The following SPAG16 variants were observed in gnomAD, a reference collection of about 807,000 sequenced individuals.
The protein encoded by SPAG16 is sperm-associated antigen 16 protein.
SPAG16 carries 86 observed loss-of-function variants against 80.4 expected under a neutral mutation model. The observed-to-expected ratio is 1.07, with a 90% CI of 0.90 to 1.28. The LOEUF (loss-of-function observed/expected upper bound fraction) is 1.28. SPAG16 is among the 50% of genes most tolerant of loss of function. The pLI is 0.00. For synonymous variants in SPAG16, 294 were observed against 265.9 expected, an observed-to-expected ratio of 1.11 and a Z score of -1.03; for missense variants, 870 against 765.3, an observed-to-expected ratio of 1.14 and a Z score of -1.61.
In SPAG16 at chr2:213,667,843, G is replaced by GT. The variant is rs374015533; in HGVS notation, c.1070+177759dup. 6.6e-4 allele frequency among the ~76,000 whole-genome samples: 100 copies of GT among 151,920 alleles called. 1 individual carries two copies. The highest frequency in any genetic ancestry group is 2.3e-3 in the African/African-American group (97 of 41,344). On this transcript the variant is annotated intron_variant, in intron 10 of 15. Transcript: ENST00000331683. Reference sequence around the variant, plus strand: ...TCTATTTTTACAAATGCTTTCTTTAGTTTTTTCCAGAGGGTGGTGAGGTAC... The same window carrying GT: ...TCTATTTTTACAAATGCTTTCTTTAGTTTTTTTCCAGAGGGTGGTGAGGTAC...
chr2:213,965,898 G>GA (rs2044688497), intron 12 of SPAG16, among the ~76,000 whole-genome samples: 2 of 152,282 alleles, frequency 1.3e-5, no homozygotes, highest in South Asian at 4.2e-4. Context: ...GCTGGGTTGG[G>GA]ATGACAGCCT....
intron 15 of SPAG16, among the ~76,000 whole-genome samples, chr2:214,203,745 G>C (rs2058071662): frequency 6.6e-6 from 1 of 152,128 alleles, no homozygotes; most frequent in Non-Finnish European, 1.5e-5. Flanking sequence ...AGAGGAACTG[G>C]AAAAAGACCA....
intron 15 of SPAG16, among the ~76,000 whole-genome samples, chr2:214,214,022 C>T (rs553436961): frequency 3.3e-5 from 5 of 152,104 alleles, no homozygotes; most frequent in Non-Finnish European, 7.4e-5. Context: ...AACTCGGGCT[C>T]TCTTCTCAAA....
At chr2:213,876,051 A>T (rs1207385098) in intron 11 of SPAG16, among the ~76,000 whole-genome samples, 1 of 152,098 alleles carries the variant, frequency 6.6e-6, no homozygotes, top group Non-Finnish European at 1.5e-5. Flanking sequence ...AACTTTGATG[A>T]AGAAAATAAG....
chr2:213,612,561 C>A (rs2061470617), intron 10 of SPAG16, among the ~76,000 whole-genome samples: 1 of 152,162 alleles, frequency 6.6e-6, no homozygotes. Context: ...CTCCATTTTC[C>A]CAGTTAACTT....
At chr2:213,359,927 A>G (rs1478007317) in intron 7 of SPAG16, among the ~76,000 whole-genome samples, 2 of 152,166 alleles carry the variant, frequency 1.3e-5, no homozygotes, top group Non-Finnish European at 2.9e-5. Flanking sequence ...TGAAAATTCT[A>G]AAGAGCTAAT....
At chr2:213,551,181 G>C (rs2076768400) in intron 10 of SPAG16, among the ~76,000 whole-genome samples, 1 of 152,090 alleles carries the variant, frequency 6.6e-6, no homozygotes, top group Non-Finnish European at 1.5e-5. Context: ...TCGTTTGAGA[G>C]ACTCCTCTGA....
At chr2:213,585,860 C>G (rs1437596139) in intron 10 of SPAG16, among the ~76,000 whole-genome samples, 2 of 152,170 alleles carry the variant, frequency 1.3e-5, no homozygotes, top group African/African-American at 4.8e-5. Context: ...TGATTTATGA[C>G]TCTTGCCCAT....
chr2:213,630,176 G>T (rs939098432), intron 10 of SPAG16, among the ~76,000 whole-genome samples: 1 of 152,154 alleles, frequency 6.6e-6, no homozygotes, highest in African/African-American at 2.4e-5. Flanking sequence ...ATCAGGTCAG[G>T]AGTTGGAGAC....
At chr2:213,656,174 C>T (rs1262994053) in intron 10 of SPAG16, among the ~76,000 whole-genome samples, 2 of 152,202 alleles carry the variant, frequency 1.3e-5, no homozygotes, top group East Asian at 3.8e-4. Flanking sequence ...CTATTATGCA[C>T]AAGTATTAAT....
chr2:214,408,016 C>T (rs1393293535), intron 15 of SPAG16, among the ~76,000 whole-genome samples: 5 of 152,086 alleles, frequency 3.3e-5, no homozygotes, highest in African/African-American at 1.2e-4. Context: ...AATAAATTTG[C>T]TGACCAAAAT....
intron 15 of SPAG16, among the ~76,000 whole-genome samples, chr2:214,383,065 T>C (rs995353506): frequency 2.6e-5 from 4 of 152,084 alleles, no homozygotes; most frequent in African/African-American, 9.7e-5. Flanking sequence ...TAAAACATAC[T>C]ATGCTTGTCC....
At chr2:213,431,956 A>G (rs1003967568) in intron 9 of SPAG16, among the ~76,000 whole-genome samples, 7 of 152,116 alleles carry the variant, frequency 4.6e-5, no homozygotes, top group African/African-American at 1.7e-4. Flanking sequence ...AACTCTTGAA[A>G]CTATAGAAAT....
At chr2:214,118,536 A>G (rs1253365855) in intron 14 of SPAG16, among the ~76,000 whole-genome samples, 1 of 152,162 alleles carries the variant, frequency 6.6e-6, no homozygotes, top group Admixed American at 6.5e-5. Flanking sequence ...CAGAAGGGGA[A>G]TCAAACACAT....
In SPAG16 at chr2:213,879,240, T is replaced by C. The variant is rs189760287; in HGVS notation, c.1214+16612T>C. ...CACTTAAACTGTAGATTGCTTTGGA[T>C]AGTATAGTCATTGATATTCATTCTT... On this transcript the variant is annotated intron_variant, in intron 11 of 15. Coordinates refer to ENST00000331683, the MANE Select transcript of SPAG16 (RefSeq NM_024532.5). Among the ~76,000 whole-genome samples the C allele has an allele frequency of 1.6e-3, 247 of 152,088 alleles. 1 individual carries two copies. Among genetic ancestry groups the C allele is most frequent in the Admixed American group, 7.9e-3 (121 of 15,262 alleles).
rs1483349987 is a variant in SPAG16 at position 213,508,311 on chromosome 2, G to A, written c.1070+18221G>A. ...AGTTCGGCTGGGCGCGGTGGCTCACGCCTGTAATCCCAGCACTTTGGGAGG... is the reference window on the plus strand; with the variant it reads ...AGTTCGGCTGGGCGCGGTGGCTCACACCTGTAATCCCAGCACTTTGGGAGG... On this transcript the variant is annotated intron_variant, in intron 10 of 15. Transcript: ENST00000331683. Among the ~76,000 whole-genome samples, 12 of 152,164 alleles carry A rather than the reference G, an allele frequency of 7.9e-5. 1 individual carries two copies. The South Asian group carries it at 2.3e-3, about 29-fold the overall frequency.
At chr2:214,228,738 G>A (rs1258923645) in intron 15 of SPAG16, among the ~76,000 whole-genome samples, 1 of 151,774 alleles carries the variant, frequency 6.6e-6, no homozygotes, top group Admixed American at 6.6e-5. Context: ...CTCCTATTGA[G>A]CTTTTATCTC....
chr2:214,289,139 A>G (rs1693606900), intron 15 of SPAG16, among the ~76,000 whole-genome samples: 1 of 152,184 alleles, frequency 6.6e-6, no homozygotes, highest in African/African-American at 2.4e-5. Flanking sequence ...TATTTCAGAT[A>G]TTAGCCTCTT....
intron 15 of SPAG16, among the ~76,000 whole-genome samples, chr2:214,251,808 G>A (rs891834930): frequency 6.6e-6 from 1 of 152,186 alleles, no homozygotes; most frequent in East Asian, 1.9e-4. Context: ...ATTCATACCT[G>A]AAATACAGCA....
Sources: gnomAD v4.1 joint callset for allele counts (sites outside exome capture counted in the v4.1 genomes callset) on GRCh38, gnomAD v4.1.1 for gene constraint, MANE v1.5 for transcripts, NCBI Gene and HGNC (gene_info 2026-07-23, HGNC 2026-07-21) for gene names.